SCN2A: variants seen among roughly 807,000 people sequenced by gnomAD.
The protein encoded by SCN2A is sodium voltage-gated channel alpha subunit 2, also known as sodium channel protein type 2 subunit alpha.
SCN2A carries 20 observed loss-of-function variants against 188.7 expected under a neutral mutation model. That is an observed-to-expected ratio of 0.11 (90% CI 0.07 to 0.15). The LOEUF (loss-of-function observed/expected upper bound fraction) is 0.15, where lower values mean the gene tolerates loss of function less well. Ranked by LOEUF, SCN2A falls within the 10% of genes least tolerant of loss-of-function variation. The pLI is 1.00. For missense variants in SCN2A, 1,278 were observed against 2,445.0 expected, an observed-to-expected ratio of 0.52 and a Z score of 10.07; for synonymous variants, 804 against 833.1, an observed-to-expected ratio of 0.97 and a Z score of 0.60.
chr2:165,386,880 T>C lies in SCN2A; in HGVS notation c.4686T>C (p.Ile1562=). 1 of 1,613,954 alleles carries C rather than the reference T, an allele frequency of 6.2e-7. No homozygotes were observed. The highest frequency in any genetic ancestry group is 1.7e-4 in the Middle Eastern group (1 of 6,058). Reference sequence around the variant, plus strand: ...ACCAGAGTCAAGAAATGACAAACATTCTGTACTGGATTAATCTGGTGTTTA... The same window carrying C: ...ACCAGAGTCAAGAAATGACAAACATCCTGTACTGGATTAATCTGGTGTTTA... ...TDDQSQEMTN[I]LYWINLVFIV... Residue 1562 remains isoleucine (I), a synonymous_variant, in exon 26 of 27, where the codon ATT becomes ATC. Coordinates refer to ENST00000375437, the MANE Select transcript of SCN2A (RefSeq NM_001040142.2).
At chr2:165,328,562 CTT>C in intron 13 of SCN2A, 6 of 929,438 alleles carry the variant, frequency 6.5e-6, no homozygotes, top group Non-Finnish European at 7.7e-6. Context: ...AACAGTCATG[CTT>C]TGCACTTCTG....
At chr2:165,302,254 T>C (rs1696856269) in intron 3 of SCN2A, among the ~76,000 whole-genome samples, 1 of 152,226 alleles carries the variant, frequency 6.6e-6, no homozygotes, top group Non-Finnish European at 1.5e-5. Context: ...AGGAGTTTGT[T>C]CATATTAAAA....
At chr2:165,380,138 T>G (rs753148508) in intron 23 of SCN2A, among the ~76,000 whole-genome samples, 8 of 151,906 alleles carry the variant, frequency 5.3e-5, no homozygotes, top group Non-Finnish European at 2.9e-5. Context: ...GTTAATATAG[T>G]TAATCTTCAC....
At chr2:165,260,899 G>A (rs1035308598) in intron 1 of SCN2A, among the ~76,000 whole-genome samples, 3 of 150,420 alleles carry the variant, frequency 2.0e-5, no homozygotes, top group African/African-American at 7.4e-5. Context: ...GAACCCAGGA[G>A]GTGGAGGTTG....
chr2:165,354,748 G>A lies in SCN2A; in HGVS notation c.3399+77G>A. 12 of 1,435,368 alleles carry A rather than the reference G, an allele frequency of 8.4e-6. No individual in the cohort carries two copies. In the South Asian group the frequency reaches 1.2e-4, roughly 14 times the overall value. The allele number at this position is 1,435,368 out of a possible 1,614,324, so 88.9% of individuals were successfully genotyped here. A position where few individuals can be genotyped will look rare whatever the true frequency, so the allele number is the denominator to read the frequency against. ...TAAAATTATCAGGTGTTTTTAAATT[G>A]CGTGTTTCCTTCCTGTTAAGAAAAT... On this transcript the variant is annotated intron_variant, in intron 17 of 26. Coordinates refer to ENST00000375437, the MANE Select transcript of SCN2A (RefSeq NM_001040142.2).
chr2:165,323,097 A>T, intron 11 of SCN2A, 59 bp from the exon 12 acceptor site: 1 of 1,489,002 alleles, frequency 6.7e-7, no homozygotes, highest in African/African-American at 1.4e-5. Context: ...TCTGTTTTTC[A>T]GAATGCCAGC....
chr2:165,326,624 A>G (rs1457344558), intron 12 of SCN2A, among the ~76,000 whole-genome samples: 1 of 152,180 alleles, frequency 6.6e-6, no homozygotes, highest in Non-Finnish European at 1.5e-5. Flanking sequence ...CCTGGGATAG[A>G]GGCATAGGAA....
intron 1 of SCN2A, among the ~76,000 whole-genome samples, chr2:165,260,970 CAAAAAA>C: frequency 1.1e-5 from 1 of 90,382 alleles, no homozygotes; most frequent in South Asian, 4.3e-4. Flanking sequence ...AACTCCGTCT[CAAAAAA>C]AAAAAAAAAA....
At chr2:165,356,603 T>G (rs985437876) in intron 17 of SCN2A, among the ~76,000 whole-genome samples, 2 of 152,242 alleles carry the variant, frequency 1.3e-5, no homozygotes, top group African/African-American at 4.8e-5. Context: ...GGCTGTCATA[T>G]AAACTAAGAA....
Position 165,354,321 on chromosome 2 carries a change from G to C in SCN2A, c.3049G>C (p.Val1017Leu), listed in dbSNP as rs769267899. 5 of 1,613,868 alleles carry C rather than the reference G, an allele frequency of 3.1e-6. No individual in the cohort carries two copies. The Admixed American group carries it at 8.3e-5, about 27-fold the overall frequency. ...VGRMQKGIDF[V>L]KRKIREFIQK... The stretch of plus-strand genomic sequence containing the variant: ...AAGGATGCAGAAAGGAATCGATTTT[G>C]TTAAAAGAAAAATACGTGAATTTAT... Residue 1017 changes from valine to leucine, a missense_variant, in exon 17 of 27, where the codon GTT (valine) becomes CTT (leucine). Physicochemically the swap from Val to Leu is conservative, Grantham distance 32. Coordinates refer to ENST00000375437, the MANE Select transcript of SCN2A (RefSeq NM_001040142.2).
chr2:165,317,683 T>C lies in SCN2A; in HGVS notation c.1671+1925T>C, dbSNP rs76865538. 5.8e-3 allele frequency among the ~76,000 whole-genome samples: 882 copies of C among 152,242 alleles called. 21 individuals carry two copies. In the East Asian group the frequency reaches 0.09, roughly 16 times the overall value. On this transcript the variant is annotated intron_variant, in intron 11 of 26. Transcript: ENST00000375437. ...CATTTTGTTCATAGATATGATATTC[T>C]CCCAGCAGCCTCTTCTTCATACCTC...
At chr2:165,240,390 A>G (rs1447810868) in intron 1 of SCN2A, among the ~76,000 whole-genome samples, 1 of 152,134 alleles carries the variant, frequency 6.6e-6, no homozygotes, top group Non-Finnish European at 1.5e-5. Context: ...ATTTTAGGTC[A>G]TGTGACATTA....
rs1205744949 is a variant in SCN2A at position 165,390,712 on chromosome 2, ATGAC to A, written c.*890_*893del. ...CATTGTCATTCACAGTCCCAGCAGC[ATGAC>A]TATCACATTTTTGATAAGTGTCCTT... is the stretch of plus-strand genomic sequence containing the variant. On this transcript the variant is annotated 3_prime_UTR_variant, in exon 27 of 27. Transcript: ENST00000375437. 1 of 152,476 alleles carries A rather than the reference ATGAC, an allele frequency of 6.6e-6. No individual in the cohort carries two copies. Among genetic ancestry groups the A allele is most frequent in the Non-Finnish European group, 1.5e-5 (1 of 68,016 alleles). 9.4% of individuals were successfully genotyped at this position (152,476 alleles called of 1,614,324 possible).
At position 165,381,310 on chromosome 2, in the gene SCN2A, C is replaced by T. The variant is rs775435109; in HGVS notation, c.4551+113C>T. On this transcript the variant is annotated intron_variant, in intron 25 of 26. Coordinates refer to ENST00000375437, the MANE Select transcript of SCN2A (RefSeq NM_001040142.2). ...GGATTTGTAACACAAAGTTTTTTAC[C>T]TTAACAATGGGACTAGCTAGCCTAA... 11 of 734,532 alleles carry T rather than the reference C, an allele frequency of 1.5e-5. No individual in the cohort carries two copies. The South Asian group carries it at 1.6e-4, about 11-fold the overall frequency. 45.5% of individuals were successfully genotyped at this position (734,532 alleles called of 1,614,324 possible).
At chr2:165,284,369 A>G (rs1183939270) in intron 1 of SCN2A, among the ~76,000 whole-genome samples, 2 of 151,982 alleles carry the variant, frequency 1.3e-5, no homozygotes, top group Non-Finnish European at 2.9e-5. Flanking sequence ...ATGGGGTTTC[A>G]CCATGTTAGC....
chr2:165,320,916 C>T (rs933006310), intron 11 of SCN2A, among the ~76,000 whole-genome samples: 3 of 152,198 alleles, frequency 2.0e-5, no homozygotes, highest in African/African-American at 7.2e-5. Context: ...TTCAGCTCCT[C>T]ATTACTTATG....
At chr2:165,359,649 C>T (rs955035925) in intron 17 of SCN2A, among the ~76,000 whole-genome samples, 5 of 151,970 alleles carry the variant, frequency 3.3e-5, no homozygotes, top group African/African-American at 4.8e-5. Flanking sequence ...GGAAGGTTTG[C>T]GTAAGCAATG....
intron 25 of SCN2A, among the ~76,000 whole-genome samples, chr2:165,381,668 T>C (rs1045571114): frequency 2.0e-5 from 3 of 151,910 alleles, no homozygotes; most frequent in African/African-American, 7.3e-5. Context: ...TTTTTTCTGG[T>C]TAAACAAAAA....
In SCN2A at chr2:165,359,588, A is replaced by T. The variant is rs147303762; in HGVS notation, c.3399+4917A>T. ...GGAAACATTGTCCACTTCCTAAAAA[A>T]ATATACTAATTTCTAATACAGGGGT... On this transcript the variant is annotated intron_variant, in intron 17 of 26. Coordinates refer to ENST00000375437, the MANE Select transcript of SCN2A (RefSeq NM_001040142.2). 5.9e-5 allele frequency among the ~76,000 whole-genome samples: 9 copies of T among 152,206 alleles called. No individual in the cohort carries two copies. The South Asian group carries it at 6.2e-4, about 11-fold the overall frequency.
Sources: allele counts gnomAD v4.1 joint callset (sites outside exome capture counted in the v4.1 genomes callset), GRCh38; gene constraint gnomAD v4.1.1; transcripts MANE v1.5; gene names NCBI Gene and HGNC (gene_info 2026-07-23, HGNC 2026-07-21).